PTPRK: variants seen among roughly 807,000 people sequenced by gnomAD.
PTPRK encodes the protein protein tyrosine phosphatase receptor type K.
A neutral mutation model predicts 178.0 loss-of-function variants in PTPRK; 75 were observed. The ratio of observed to expected loss-of-function variants is 0.42; its 90% CI spans 0.35 to 0.51. PTPRK has a LOEUF of 0.51. PTPRK is among the 20% of genes least tolerant of loss of function. PTPRK has a pLI of 0.02. For synonymous variants in PTPRK, 637 were observed against 620.6 expected, an observed-to-expected ratio of 1.03 and a Z score of -0.39; for missense variants, 1,441 against 1,797.8, an observed-to-expected ratio of 0.80 and a Z score of 3.59.
chr6:128,200,148 T>G (rs1452331283), intron 6 of PTPRK, among the ~76,000 whole-genome samples: 1 of 152,196 alleles, frequency 6.6e-6, no homozygotes, highest in Non-Finnish European at 1.5e-5. Context: ...TGAGAATATA[T>G]TTCTTTTATG....
At chr6:128,064,001 C>A (rs560870682) in intron 13 of PTPRK, among the ~76,000 whole-genome samples, 1 of 152,294 alleles carries the variant, frequency 6.6e-6, no homozygotes, top group African/African-American at 2.4e-5. Flanking sequence ...TGAGGAGGCC[C>A]ACGTCTGCAT....
chr6:128,217,062 G>A (rs541710631), intron 6 of PTPRK, among the ~76,000 whole-genome samples: 18 of 152,098 alleles, frequency 1.2e-4, no homozygotes, highest in South Asian at 2.1e-4. Context: ...TCAATAGCAC[G>A]CCCACGTTCC....
chr6:128,496,567 C>G (rs1180285658), intron 1 of PTPRK, among the ~76,000 whole-genome samples: 2 of 152,056 alleles, frequency 1.3e-5, no homozygotes, highest in Admixed American at 1.3e-4. Flanking sequence ...GAGATCAGGT[C>G]CAGATGTTAT....
intron 7 of PTPRK, among the ~76,000 whole-genome samples, chr6:128,147,495 A>AT (rs898085999): frequency 2.0e-5 from 3 of 152,144 alleles, no homozygotes; most frequent in Non-Finnish European, 1.5e-5. Flanking sequence ...ATATTTATAC[A>AT]TTTTTTACCC....
At chr6:128,171,467 C>T (rs1232161106) in intron 7 of PTPRK, among the ~76,000 whole-genome samples, 2 of 151,950 alleles carry the variant, frequency 1.3e-5, no homozygotes, top group East Asian at 3.9e-4. Flanking sequence ...GCCTTGTTAT[C>T]CTGCCAAACC....
rs751818053 is a variant in PTPRK, at chr6:127,995,468, A to G, written c.2838T>C (p.Tyr946=). 18 of 1,588,414 alleles carry G rather than the reference A, an allele frequency of 1.1e-5. 1 individual carries two copies. The South Asian group carries it at 2.0e-4, about 18-fold the overall frequency. The change falls in exon 18 of 30, where the codon TAT becomes TAC. Residue 946 remains tyrosine (Y), a synonymous_variant. Coordinates refer to ENST00000368226, the MANE Select transcript of PTPRK (RefSeq NM_002844.4). ...DPSSDYINAN[Y]IDGYQRPSHY... is the part of the protein sequence containing the mutation. ...TAACTATAAAAATACTTACATCAAT[A>G]TAGTTGGCATTAATATAATCTGAGG... is the stretch of plus-strand genomic sequence containing the variant.
chr6:128,326,269 T>C (rs1020719872), intron 2 of PTPRK, among the ~76,000 whole-genome samples: 8 of 152,182 alleles, frequency 5.3e-5, no homozygotes, highest in Non-Finnish European at 8.8e-5. Flanking sequence ...GTAACAAACC[T>C]GCACATTCTG....
chr6:128,426,222 T>C (rs1844120788), intron 1 of PTPRK, among the ~76,000 whole-genome samples: 2 of 152,214 alleles, frequency 1.3e-5, no homozygotes, highest in African/African-American at 4.8e-5. Context: ...GCCTTTCCCT[T>C]ATGTGCCTCC....
chr6:128,255,279 A>G (rs1348395486), intron 3 of PTPRK, among the ~76,000 whole-genome samples: 2 of 152,156 alleles, frequency 1.3e-5, no homozygotes, highest in Non-Finnish European at 1.5e-5. Flanking sequence ...GTGAGCCACC[A>G]TGCCGGGCCC....
chr6:128,143,417 C>T (rs1255838270), intron 7 of PTPRK, among the ~76,000 whole-genome samples: 4 of 152,126 alleles, frequency 2.6e-5, no homozygotes, highest in African/African-American at 9.7e-5. Flanking sequence ...CTGGTGGTAA[C>T]TAATTTCATC....
intron 3 of PTPRK, among the ~76,000 whole-genome samples, chr6:128,311,768 G>T (rs1374403722): frequency 6.6e-6 from 1 of 152,040 alleles, no homozygotes; most frequent in Non-Finnish European, 1.5e-5. Context: ...TCAAGTACCA[G>T]ATCAACTTTT....
chr6:128,464,674 T>TATATACAA (rs1407701569), intron 1 of PTPRK, among the ~76,000 whole-genome samples: 6 of 124,758 alleles, frequency 4.8e-5, no homozygotes, highest in African/African-American at 1.5e-4. Flanking sequence ...TATATATATA[T>TATATACAA]ACAACAGATG....
At chr6:127,986,762 GA>G (rs1776026458) in intron 21 of PTPRK, among the ~76,000 whole-genome samples, 3 of 152,082 alleles carry the variant, frequency 2.0e-5, no homozygotes, top group Non-Finnish European at 4.4e-5. Flanking sequence ...TGTTCAATCA[GA>G]AAAGGTAGAC....
intron 7 of PTPRK, among the ~76,000 whole-genome samples, chr6:128,135,166 C>T (rs1380364475): frequency 6.6e-6 from 1 of 151,904 alleles, no homozygotes; most frequent in East Asian, 1.9e-4. Context: ...TATATCACCA[C>T]ATTTTGTTTT....
intron 27 of PTPRK, 30 bp downstream of exon 27, chr6:127,976,627 A>T (rs1774634379): frequency 6.2e-7 from 1 of 1,612,904 alleles, no homozygotes. Context: ...CCTATTCTAG[A>T]TCAGCTCAAA....
intron 1 of PTPRK, among the ~76,000 whole-genome samples, chr6:128,444,506 T>C (rs1352323528): frequency 1.3e-5 from 2 of 152,114 alleles, no homozygotes. Flanking sequence ...AGCCCAGTTA[T>C]ATGCTGAGCC....
chr6:128,097,360 A>C (rs1426669414), intron 7 of PTPRK, among the ~76,000 whole-genome samples: 1 of 152,164 alleles, frequency 6.6e-6, no homozygotes, highest in East Asian at 1.9e-4. Context: ...ACAAGTCATC[A>C]CCACTGCTCT....
At position 128,012,177 on chromosome 6, in the gene PTPRK, CT is replaced by C. The variant is rs1213290289; in HGVS notation, c.2195-2910del. On this transcript the variant is annotated intron_variant, in intron 13 of 29. Coordinates refer to ENST00000368226, the MANE Select transcript of PTPRK (RefSeq NM_002844.4). ...AAGTCTTTAGCTGTGGCATTTATTA[CT>C]ATCATTACTATTACTACTATGAACA... is the stretch of plus-strand genomic sequence containing the variant. Among the ~76,000 whole-genome samples the C allele has an allele frequency of 1.3e-5, 2 of 151,308 alleles. 1 individual carries two copies. The highest frequency in any genetic ancestry group is 3.0e-5 in the Non-Finnish European group (2 of 67,580).
chr6:128,382,088 T>C (rs1009585555), intron 2 of PTPRK, among the ~76,000 whole-genome samples: 1 of 129,900 alleles, frequency 7.7e-6, no homozygotes, highest in East Asian at 2.2e-4. Context: ...AAGGCTGAGG[T>C]GGGAGGACTG....
Sources: gnomAD v4.1 joint callset for allele counts (sites outside exome capture counted in the v4.1 genomes callset) on GRCh38, gnomAD v4.1.1 for gene constraint, MANE v1.5 for transcripts, NCBI Gene and HGNC (gene_info 2026-07-23, HGNC 2026-07-21) for gene names.